Variants in ITPR1 observed in about 807,000 individuals in gnomAD.
ITPR1 encodes the protein inositol 1,4,5-trisphosphate-gated calcium channel ITPR1.
ITPR1 carries 96 observed loss-of-function variants against 318.4 expected under a neutral mutation model. The observed-to-expected ratio is 0.30, with a 90% CI of 0.26 to 0.36. The LOEUF is 0.36. ITPR1 is among the 10% of genes least tolerant of loss of function. The probability of loss-of-function intolerance (pLI) is 1.00; values close to 1 mark genes in which losing one functional copy is unlikely to be tolerated. For synonymous variants in ITPR1, 1,312 were observed against 1,289.9 expected (o/e 1.02, Z -0.37); for missense variants, 2,440 against 3,460.2 (o/e 0.71, Z 7.40).
chr3:4,614,252 C>T (rs887032465), intron 4 of ITPR1, among the ~76,000 whole-genome samples: 2 of 152,164 alleles, frequency 1.3e-5, no homozygotes, highest in Non-Finnish European at 2.9e-5. Flanking sequence ...GGTGACAGAA[C>T]AAGACCTTAT....
rs536391129 is a variant in ITPR1, at chr3:4,782,035, T to A, written c.6388-584T>A. 3.3e-4 allele frequency among the ~76,000 whole-genome samples: 50 copies of A among 152,336 alleles called. 1 individual carries two copies. Among genetic ancestry groups the A allele is most frequent in the Middle Eastern group, 6.8e-3 (2 of 294 alleles). On this transcript the variant is annotated intron_variant, in intron 49 of 61. Transcript: ENST00000649015. ...TTATAAATGTTTGTGAGCATTAAAT[T>A]TTTTTGAAAGAATGTTAAACACCTA... is the stretch of plus-strand genomic sequence containing the variant.
chr3:4,810,227 G>A (rs1419404925), intron 55 of ITPR1, among the ~76,000 whole-genome samples: 1 of 152,188 alleles, frequency 6.6e-6, no homozygotes, highest in Non-Finnish European at 1.5e-5. Flanking sequence ...AAGCCACAGT[G>A]GAGACCAAAC....
chr3:4,770,771 G>T (rs2046135337), intron 46 of ITPR1, among the ~76,000 whole-genome samples: 1 of 152,158 alleles, frequency 6.6e-6, no homozygotes, highest in African/African-American at 2.4e-5. Flanking sequence ...TAGTCCAGTT[G>T]GGTGGAGCAA....
At chr3:4,557,515 T>C (rs553305550) in intron 4 of ITPR1, among the ~76,000 whole-genome samples, 2 of 152,292 alleles carry the variant, frequency 1.3e-5, no homozygotes. Flanking sequence ...TTTTGCTATG[T>C]TGACCAGGTT....
intron 44 of ITPR1, among the ~76,000 whole-genome samples, chr3:4,745,255 C>T (rs2044020071): frequency 6.6e-6 from 1 of 151,258 alleles, no homozygotes; most frequent in Non-Finnish European, 1.5e-5. Flanking sequence ...GTTTTCTTCC[C>T]TAGAGTCATC....
At chr3:4,495,937 T>G (rs2080526227) in intron 2 of ITPR1, among the ~76,000 whole-genome samples, 1 of 152,076 alleles carries the variant, frequency 6.6e-6, no homozygotes, top group African/African-American at 2.4e-5. Flanking sequence ...AAATAATACA[T>G]AACATTGATG....
chr3:4,769,785 G>A (rs988973955), intron 46 of ITPR1, among the ~76,000 whole-genome samples: 5 of 152,310 alleles, frequency 3.3e-5, no homozygotes, highest in Middle Eastern at 3.4e-3. Flanking sequence ...AGAGACAGAG[G>A]GCACATGATG....
rs147813749 is a variant in ITPR1, at chr3:4,707,659, A to G, written c.4842+1308A>G. Among the ~76,000 whole-genome samples the G allele has an allele frequency of 3.9e-5, 6 of 152,342 alleles. No homozygotes were observed. In the East Asian group the frequency reaches 1.2e-3, roughly 29 times the overall value. On this transcript the variant is annotated intron_variant, in intron 37 of 61. Transcript: ENST00000649015. Reference sequence around the variant, plus strand: ...GTGTCACATTGTAAGAAGAATGTGAAAGACAGGATGTATTGTGGTATAGCC... The same window carrying G: ...GTGTCACATTGTAAGAAGAATGTGAGAGACAGGATGTATTGTGGTATAGCC...
At position 4,515,582 on chromosome 3, in the gene ITPR1, A is replaced by G. The variant is rs2082122310; in HGVS notation, c.-16-894A>G. On this transcript the variant is annotated intron_variant, in intron 2 of 61. Transcript: ENST00000649015. ...TTTAATTGTCAATTTAGCTTTTTAC[A>G]ATTGGTTCCCACTCCTCAATATTTA... 3.9e-5 allele frequency among the ~76,000 whole-genome samples: 6 copies of G among 152,248 alleles called. No individual in the cohort carries two copies. The South Asian group carries it at 1.2e-3, about 32-fold the overall frequency.
intron 60 of ITPR1, among the ~76,000 whole-genome samples, chr3:4,825,473 C>G (rs963652835): frequency 6.6e-6 from 1 of 152,148 alleles, no homozygotes; most frequent in Non-Finnish European, 1.5e-5. Flanking sequence ...TGCAAAAGAG[C>G]CTTTTTGCCT....
chr3:4,814,763 G>A, intron 58 of ITPR1: 2 of 623,992 alleles, frequency 3.2e-6, no homozygotes, highest in South Asian at 4.0e-5. Context: ...GCGTGGAAAG[G>A]GTTGGCTTTG....
chr3:4,641,224 G>C (rs188053318), intron 6 of ITPR1, among the ~76,000 whole-genome samples: 2 of 152,120 alleles, frequency 1.3e-5, no homozygotes, highest in African/African-American at 4.8e-5. Context: ...TTCTGGTCTA[G>C]ACTGACTATC....
intron 52 of ITPR1, among the ~76,000 whole-genome samples, chr3:4,791,589 G>A (rs866868556): frequency 4.6e-5 from 7 of 152,308 alleles, no homozygotes; most frequent in African/African-American, 7.2e-5. Flanking sequence ...ACTGGTCTGC[G>A]GCCCCAGGGT....
chr3:4,842,478 C>T (rs890910447), intron 61 of ITPR1, among the ~76,000 whole-genome samples: 9 of 152,190 alleles, frequency 5.9e-5, no homozygotes, highest in Non-Finnish European at 1.0e-4. Context: ...AGTGATTCTC[C>T]TGCTTCAGGC....
chr3:4,788,143 G>C lies in ITPR1; in HGVS notation c.6808+4G>C. The stretch of plus-strand genomic sequence containing the variant: ...AATTGGCAGAAGAAACTGAGAGGTG[G>C]GTTCCAACGCATCAGCAACAACACA... On this transcript the variant is annotated splice_donor_region_variant and intron_variant, in intron 52 of 61. Transcript: ENST00000649015. The C allele has an allele frequency of 1.9e-6, 3 of 1,594,320 alleles. No individual in the cohort carries two copies. Among genetic ancestry groups the C allele is most frequent in the Non-Finnish European group, 2.6e-6 (3 of 1,169,556 alleles).
chr3:4,791,986 G>T (rs945860500), intron 52 of ITPR1, among the ~76,000 whole-genome samples: 2 of 152,156 alleles, frequency 1.3e-5, no homozygotes, highest in Non-Finnish European at 2.9e-5. Flanking sequence ...AAAGATTCTC[G>T]CTGGGCTAAT....
At chr3:4,525,929 C>A (rs1381640985) in intron 4 of ITPR1, among the ~76,000 whole-genome samples, 1 of 152,164 alleles carries the variant, frequency 6.6e-6, no homozygotes, top group African/African-American at 2.4e-5. Context: ...CATTTTGCTC[C>A]CAGAATCTCT....
At chr3:4,552,865 G>T (rs954631713) in intron 4 of ITPR1, among the ~76,000 whole-genome samples, 3 of 152,098 alleles carry the variant, frequency 2.0e-5, no homozygotes, top group African/African-American at 7.2e-5. Flanking sequence ...CATCACTTTG[G>T]CATTTCTGAG....
intron 51 of ITPR1, among the ~76,000 whole-genome samples, chr3:4,787,488 A>C (rs1384230333): frequency 6.8e-6 from 1 of 148,004 alleles, no homozygotes; most frequent in Non-Finnish European, 1.5e-5. Flanking sequence ...TGGGCTCAGG[A>C]GTTTGAGACC....
Sources: gnomAD v4.1 joint callset for allele counts (sites outside exome capture counted in the v4.1 genomes callset) on GRCh38, gnomAD v4.1.1 for gene constraint, MANE v1.5 for transcripts, NCBI Gene and HGNC (gene_info 2026-07-23, HGNC 2026-07-21) for gene names.